Variants in DDX4 observed in about 807,000 individuals in gnomAD.
The protein encoded by DDX4 is probable ATP-dependent RNA helicase DDX4.
In DDX4, 25 loss-of-function variants were observed where a neutral mutation model predicts 100.0. The observed-to-expected ratio is 0.25, with a 90% CI of 0.18 to 0.35. The LOEUF is 0.35. Among genes scored for constraint, DDX4 ranks in the 10% least tolerant of loss-of-function variants. The pLI, the probability that DDX4 is intolerant of heterozygous loss-of-function variation, is 1.00. For synonymous variants in DDX4, 259 were observed against 275.7 expected, an observed-to-expected ratio of 0.94 and a Z score of 0.60; for missense variants, 635 against 882.4, an observed-to-expected ratio of 0.72 and a Z score of 3.55.
intron 6 of DDX4, 50 bp downstream of exon 6, chr5:55,764,114 T>A: frequency 7.5e-7 from 1 of 1,324,762 alleles, no homozygotes; most frequent in Non-Finnish European, 1.1e-6. Flanking sequence ...GAGTACATGC[T>A]AAAAAAGAGA....
intron 6 of DDX4, 97 bp from the exon 7 acceptor site, chr5:55,767,784 G>C (rs1741014033): frequency 1.3e-6 from 1 of 775,202 alleles, no homozygotes; most frequent in Non-Finnish European, 2.0e-6. Flanking sequence ...AAAATATTTT[G>C]TCTTCTTACT....
In DDX4 at chr5:55,738,943, T is replaced by G. The variant is rs1214607248; in HGVS notation, c.-14-7T>G. On this transcript the variant is annotated splice_polypyrimidine_tract_variant and splice_region_variant and intron_variant, in intron 1 of 21. Coordinates refer to ENST00000505374, the MANE Select transcript of DDX4 (RefSeq NM_024415.3). Reference sequence around the variant, plus strand: ...CCAAATGTGCATTTTTTTTTTTTTATGAATAGAACTTGAAGCCACCATGGG... The same window carrying G: ...CCAAATGTGCATTTTTTTTTTTTTAGGAATAGAACTTGAAGCCACCATGGG... The G allele has an allele frequency of 4.0e-6, 6 of 1,490,440 alleles. No individual in the cohort carries two copies. The South Asian group carries it at 5.8e-5, about 14-fold the overall frequency. 92.3% of individuals were successfully genotyped at this position (1,490,440 alleles called of 1,614,324 possible).
chr5:55,780,776 C>G (rs79185329), intron 8 of DDX4, among the ~76,000 whole-genome samples: 11,027 of 152,102 alleles, frequency 0.072, 646 homozygotes, highest in African/African-American at 0.16. Context: ...AGCACTGGCC[C>G]TAATTTATTT....
At chr5:55,763,413 A>G (rs1044388124) in intron 5 of DDX4, among the ~76,000 whole-genome samples, 161 bp downstream of exon 5, 5 of 152,134 alleles carry the variant, frequency 3.3e-5, no homozygotes, top group African/African-American at 1.2e-4. Context: ...AAACTTATTA[A>G]AAACATTTTT....
chr5:55,781,245 G>A, intron 9 of DDX4, 99 bp downstream of exon 9: 1 of 920,196 alleles, frequency 1.1e-6, no homozygotes, highest in East Asian at 2.9e-5. Flanking sequence ...TACTAGTTTG[G>A]CTTATGATTT....
At chr5:55,740,290 C>G (rs1042964905) in intron 2 of DDX4, among the ~76,000 whole-genome samples, 1 of 152,056 alleles carries the variant, frequency 6.6e-6, no homozygotes, top group Non-Finnish European at 1.5e-5. Flanking sequence ...CTGCCTCAAC[C>G]TCCCTCAGCG....
intron 3 of DDX4, among the ~76,000 whole-genome samples, chr5:55,750,849 T>G (rs1313081220): frequency 1.3e-5 from 2 of 152,244 alleles, no homozygotes; most frequent in African/African-American, 2.4e-5. Flanking sequence ...TTGATTTCCT[T>G]ATTTCTAATG....
intron 14 of DDX4, among the ~76,000 whole-genome samples, chr5:55,787,406 T>C (rs550242515): frequency 9.3e-4 from 141 of 152,314 alleles, no homozygotes; most frequent in African/African-American, 3.3e-3. Flanking sequence ...ATGTGTTCAG[T>C]AATACAGATG....
chr5:55,786,023 A>G (rs1322678342), intron 13 of DDX4, 152 bp downstream of exon 13: 4 of 533,268 alleles, frequency 7.5e-6, no homozygotes, highest in Middle Eastern at 3.9e-4. Flanking sequence ...CTTACCATCT[A>G]TAATAGAATT....
At chr5:55,775,476 G>C (rs919039610) in intron 7 of DDX4, among the ~76,000 whole-genome samples, 6 of 152,142 alleles carry the variant, frequency 3.9e-5, no homozygotes, top group Non-Finnish European at 7.4e-5. Flanking sequence ...GATTTCTAGA[G>C]TTTGGAAAAA....
intron 17 of DDX4, among the ~76,000 whole-genome samples, chr5:55,796,624 G>A (rs1299592869): frequency 6.6e-6 from 1 of 151,962 alleles, no homozygotes; most frequent in Non-Finnish European, 1.5e-5. Flanking sequence ...ACCTGGAGTC[G>A]TGTGTTTCTA....
intron 17 of DDX4, among the ~76,000 whole-genome samples, chr5:55,796,824 T>A (rs1742980840): frequency 5.9e-5 from 1 of 16,872 alleles, no homozygotes; most frequent in South Asian, 1.9e-3. Context: ...TCTTTCTTTC[T>A]TTTTTTTTTT....
intron 3 of DDX4, among the ~76,000 whole-genome samples, chr5:55,747,565 A>G (rs1016466339): frequency 2.0e-5 from 3 of 152,192 alleles, no homozygotes; most frequent in Non-Finnish European, 2.9e-5. Flanking sequence ...AAACAAAAAC[A>G]TTAAAAAACT....
chr5:55,775,089 G>A (rs1213257715), intron 7 of DDX4, among the ~76,000 whole-genome samples: 1 of 152,026 alleles, frequency 6.6e-6, no homozygotes, highest in Non-Finnish European at 1.5e-5. Context: ...GTCTATTTTA[G>A]GTATTTCATA....
Position 55,782,087 on chromosome 5 carries a change from A to G in DDX4, c.625+106A>G. 3 of 1,322,538 alleles carry G rather than the reference A, an allele frequency of 2.3e-6. No homozygotes were observed. In the South Asian group the frequency reaches 3.9e-5, roughly 17 times the overall value. 81.9% of individuals were successfully genotyped at this position (1,322,538 alleles called of 1,614,324 possible). ...GGAAACAAATTTAATTTTTGAAGTT[A>G]AAGGTAACTGTTATTGCTTTTATAC... On this transcript the variant is annotated intron_variant, in intron 10 of 21. Coordinates refer to ENST00000505374, the MANE Select transcript of DDX4 (RefSeq NM_024415.3).
intron 17 of DDX4, among the ~76,000 whole-genome samples, chr5:55,793,777 T>A (rs1156971096): frequency 6.6e-6 from 1 of 152,166 alleles, no homozygotes; most frequent in East Asian, 1.9e-4. Context: ...TCATAAAGAG[T>A]TGCCTCCAAA....
At chr5:55,806,491 T>G (rs960202015) in intron 18 of DDX4, among the ~76,000 whole-genome samples, 1 of 152,236 alleles carries the variant, frequency 6.6e-6, no homozygotes, top group Admixed American at 6.5e-5. Context: ...TACACACTGC[T>G]TTGAATGTCT....
chr5:55,783,633 A>AGATGGATGGATG (rs59794903), intron 10 of DDX4, among the ~76,000 whole-genome samples: 3,137 of 146,742 alleles, frequency 0.021, 46 homozygotes, highest in Middle Eastern at 0.052. Flanking sequence ...AGGAGGGAGG[A>AGATGGATGGATG]GATGGATGGA....
At chr5:55,793,890 T>C (rs1742747366) in intron 17 of DDX4, among the ~76,000 whole-genome samples, 2 of 152,214 alleles carry the variant, frequency 1.3e-5, no homozygotes, top group South Asian at 4.1e-4. Flanking sequence ...CTGTGAATCC[T>C]ATGGTTATGG....
Sources: allele counts gnomAD v4.1 joint callset (sites outside exome capture counted in the v4.1 genomes callset), GRCh38; gene constraint gnomAD v4.1.1; transcripts MANE v1.5; gene names NCBI Gene and HGNC (gene_info 2026-07-23, HGNC 2026-07-21).